DACT2: variants seen among roughly 807,000 people sequenced by gnomAD.
The protein encoded by DACT2 is dapper homolog 2.
In DACT2, 20 loss-of-function variants were observed where a neutral mutation model predicts 22.2. The ratio of observed to expected loss-of-function variants is 0.90; its 90% CI spans 0.63 to 1.31. The LOEUF is 1.31. Ranked by LOEUF, DACT2 falls within the 50% of genes most tolerant of loss-of-function variation. DACT2 has a pLI of 0.00. For synonymous variants in DACT2, 463 were observed against 479.8 expected (o/e 0.96, Z 0.46); for missense variants, 1,048 against 1,061.4 (o/e 0.99, Z 0.18).
chr6:168,297,681 G>A (rs1314409295), intron 3 of DACT2, among the ~76,000 whole-genome samples: 3 of 152,262 alleles, frequency 2.0e-5, no homozygotes, highest in Admixed American at 1.3e-4. Flanking sequence ...AACACATACA[G>A]CTACCTGGGA....
chr6:168,310,017 C>T, intron 3 of DACT2, 151 bp downstream of exon 3: 3 of 1,234,178 alleles, frequency 2.4e-6, no homozygotes, highest in Non-Finnish European at 3.2e-6. Flanking sequence ...TCCAAACCAC[C>T]ACGTGGCCCA....
At position 168,311,551 on chromosome 6, in the gene DACT2, T is replaced by TACACACACACACCCATAC. The variant is rs778387834; in HGVS notation, c.247-268_247-267insGTATGGGTGTGTGTGTGT. Reference sequence around the variant, plus strand: ...ACACACACACCCATCCACACACACATACACACACTCACACACAAACACACA... The same window carrying TACACACACACACCCATAC: ...ACACACACACCCATCCACACACACATACACACACACACCCATACACACACACTCACACACAAACACACA... On this transcript the variant is annotated intron_variant, in intron 1 of 3. Transcript: ENST00000366795. Among the ~76,000 whole-genome samples, 173 of 97,902 alleles carry TACACACACACACCCATAC rather than the reference T, an allele frequency of 1.8e-3. 1 individual carries two copies. Among genetic ancestry groups the TACACACACACACCCATAC allele is most frequent in the African/African-American group, 6.7e-3 (163 of 24,186 alleles). The allele number at this position is 97,902 out of a possible 152,430, so 64.2% of individuals were successfully genotyped here. A position where few individuals can be genotyped will look rare whatever the true frequency, so the allele number is the denominator to read the frequency against.
intron 3 of DACT2, among the ~76,000 whole-genome samples, chr6:168,309,521 T>C (rs1779341776): frequency 2.9e-5 from 2 of 69,522 alleles, no homozygotes; most frequent in Non-Finnish European, 5.6e-5. Context: ...TCCTGCCCGT[T>C]GCGGGAGAGT....
chr6:168,308,602 C>A lies in DACT2; in HGVS notation c.1155G>T (p.Gly385=). The A allele has an allele frequency of 6.5e-7, 1 of 1,546,066 alleles. No homozygotes were observed. The highest frequency in any genetic ancestry group is 8.7e-7 in the Non-Finnish European group (1 of 1,146,952). ...GGGRLLVFAP[G]REDEGGPAQS... is the part of the protein sequence containing the mutation. ...GAGCTGGCCCTCCCTCGTCCTCCCT[C>A]CCTGGGGCGAAGACCAGCAGTCGCC... The change falls in exon 4 of 4, where the codon GGG becomes GGT. Residue 385 remains glycine (G), a synonymous_variant. Coordinates refer to ENST00000366795, the MANE Select transcript of DACT2 (RefSeq NM_214462.5).
chr6:168,308,775 C>T lies in DACT2; in HGVS notation c.982G>A (p.Ala328Thr). Residue 328 changes from alanine to threonine, a missense_variant, in exon 4 of 4, where the codon GCC becomes ACC. By Grantham distance (58) the Ala-to-Thr change is moderately conservative (BLOSUM62 0). Coordinates refer to ENST00000366795, the MANE Select transcript of DACT2 (RefSeq NM_214462.5). ...CTGTCGATATAAGCTCTGGCCCTGG[C>T]CGGGCCAGCCTCGAGGACCGGCCCA... ...QTGPVLEAGPARARAYIDRLL... is the reference protein window; with the variant it reads ...QTGPVLEAGPTRARAYIDRLL... The T allele has an allele frequency of 6.4e-7, 1 of 1,551,328 alleles. No individual in the cohort carries two copies. Among genetic ancestry groups the T allele is most frequent in the Non-Finnish European group, 8.7e-7 (1 of 1,147,012 alleles).
In DACT2 at chr6:168,293,805, G is replaced by T. The variant is rs137989227; in HGVS notation, c.*89C>A. The T allele has an allele frequency of 1.2e-4, 83 of 699,280 alleles. No individual in the cohort carries two copies. In the African/African-American group the frequency reaches 1.2e-3, roughly 10 times the overall value. The allele number at this position is 699,280 out of a possible 1,614,324, so 43.3% of individuals were successfully genotyped here. On this transcript the variant is annotated 3_prime_UTR_variant, in exon 6 of 6. Coordinates refer to the DACT2 transcript ENST00000366796. ...CGGGCAGAGGGGGGCCGATGATATC[G>T]GGAGAAGAAGCTGGGCCTGTGGCCA...
chr6:168,308,200 G>A lies in DACT2; in HGVS notation c.1557C>T (p.Asp519=), dbSNP rs1275499289. The A allele has an allele frequency of 1.9e-6, 3 of 1,551,732 alleles. No homozygotes were observed. The highest frequency in any genetic ancestry group is 4.9e-5 in the East Asian group (2 of 40,860). ...GGGCTGCATGGGCTCCCTCAGGCCT[G>A]TCCAGTAGAAGCAGCGGCTGCCTTG... ...RFARQPLLLL[D]RPEGAHAAPQ... Residue 519 remains aspartate (D), a synonymous_variant, in exon 4 of 4, where the codon GAC becomes GAT. Coordinates refer to ENST00000366795, the MANE Select transcript of DACT2 (RefSeq NM_214462.5).
chr6:168,294,287 G>A, intron 4 of DACT2: 1 of 701,296 alleles, frequency 1.4e-6, no homozygotes, highest in Non-Finnish European at 2.6e-6. Flanking sequence ...CGTTTCACTG[G>A]GGCTAGGTGT....
chr6:168,305,726 G>A (rs190110694), downstream of DACT2, among the ~76,000 whole-genome samples: 47 of 152,260 alleles, frequency 3.1e-4, no homozygotes, highest in Admixed American at 1.5e-3. Flanking sequence ...GAGAAGCCAC[G>A]CTTCATTATA....
chr6:168,302,938 C>A (rs1779136591), downstream of DACT2, among the ~76,000 whole-genome samples: 1 of 152,276 alleles, frequency 6.6e-6, no homozygotes, highest in South Asian at 2.1e-4. Flanking sequence ...GCCAACTATG[C>A]AAGTGATTGA....
chr6:168,307,931 C>T lies in DACT2; in HGVS notation c.1826G>A (p.Trp609Ter), dbSNP rs1008283880. Residue 609 changes from tryptophan to a stop codon, truncating the protein, a stop_gained, in exon 4 of 4, where the codon TGG becomes TAG. Transcript: ENST00000366795. LOFTEE classifies it low-confidence loss of function (END_TRUNC). The surrounding 1 kb of genome is among the most constrained non-coding windows in gnomAD (Gnocchi z 5.3). ...GGCCGAGATCTCCACGGTGGACTGC[C>T]AGCGGCGATGCTTCCTCCTGGCCAC... ...TSVARRKHRR[W>*]QSTVEISARA... 3.2e-6 allele frequency: 5 copies of T among 1,547,716 alleles called. No individual in the cohort carries two copies. The highest frequency in any genetic ancestry group is 4.4e-6 in the Non-Finnish European group (5 of 1,146,834).
intron 1 of DACT2, among the ~76,000 whole-genome samples, chr6:168,311,596 A>AC (rs776316251): frequency 0.19 from 25,192 of 130,278 alleles, 2,649 homozygotes; most frequent in South Asian, 0.25. Flanking sequence ...ACACACACAC[A>AC]TACACACACA....
At chr6:168,298,461 C>T (rs1056439) in intron 3 of DACT2, 3 of 152,172 alleles carry the variant, frequency 2.0e-5, no homozygotes, top group Non-Finnish European at 4.4e-5. Flanking sequence ...AGGCCAAGTA[C>T]ACACCTTTGG....
chr6:168,304,364 T>A (rs776567295), downstream of DACT2, among the ~76,000 whole-genome samples: 1 of 152,292 alleles, frequency 6.6e-6, no homozygotes, highest in Non-Finnish European at 1.5e-5. Context: ...CCTGGCCTTC[T>A]TGCAATATCC....
downstream of DACT2, among the ~76,000 whole-genome samples, chr6:168,305,263 GAGC>G (rs1409592848): frequency 2.0e-5 from 3 of 152,330 alleles, no homozygotes; most frequent in African/African-American, 7.2e-5. Flanking sequence ...GGACTGTGCG[GAGC>G]AGGAAGGAAT....
chr6:168,295,234 A>G (rs989055231), intron 3 of DACT2, among the ~76,000 whole-genome samples: 7 of 152,204 alleles, frequency 4.6e-5, no homozygotes, highest in Non-Finnish European at 1.0e-4. Context: ...TTTTCCGCAG[A>G]TATAATACCA....
Position 168,319,300 on chromosome 6 carries a change from C to G in DACT2, c.246+88G>C, listed in dbSNP as rs535169298. 3.8e-3 allele frequency: 4,233 copies of G among 1,104,688 alleles called. 16 individuals are homozygous for G. The highest frequency in any genetic ancestry group is 4.4e-3 in the Non-Finnish European group (3,941 of 890,472). The allele number at this position is 1,104,688 out of a possible 1,614,324, so 68.4% of individuals were successfully genotyped here. A position where few individuals can be genotyped will look rare whatever the true frequency, so the allele number is the denominator to read the frequency against. On this transcript the variant is annotated intron_variant, in intron 1 of 3. Transcript: ENST00000366795. ...GTCCCCTCCATCCATCAGACACCCC[C>G]GTCCCACTAACACACAGTCGCTGCC... is the stretch of plus-strand genomic sequence containing the variant.
chr6:168,311,597 T>TCACACCCAC (rs1554271725), intron 1 of DACT2, among the ~76,000 whole-genome samples: 1 of 100,460 alleles, frequency 1.0e-5, no homozygotes, highest in Admixed American at 8.9e-5. Context: ...CACACACACA[T>TCACACCCAC]ACACACACAC....
At chr6:168,316,045 A>T (rs1212330352) in intron 1 of DACT2, among the ~76,000 whole-genome samples, 2 of 152,246 alleles carry the variant, frequency 1.3e-5, no homozygotes, top group African/African-American at 4.8e-5. Flanking sequence ...CAAAGTTTCA[A>T]AACAAAGTCT....
Sources: gnomAD v4.1 joint callset for allele counts (sites outside exome capture counted in the v4.1 genomes callset) on GRCh38, gnomAD v4.1.1 for gene constraint, Gnocchi (gnomAD v3.1) non-coding constraint, MANE v1.5 for transcripts, NCBI Gene and HGNC (gene_info 2026-07-23, HGNC 2026-07-21) for gene names.